PEAK1: variants seen among roughly 807,000 people sequenced by gnomAD.
PEAK1 encodes the protein inactive tyrosine-protein kinase PEAK1.
In PEAK1, 54 loss-of-function variants were observed where a neutral mutation model predicts 124.7. The ratio of observed to expected loss-of-function variants is 0.43; its 90% CI spans 0.35 to 0.54. The LOEUF (loss-of-function observed/expected upper bound fraction) is 0.54, where lower values mean the gene tolerates loss of function less well. PEAK1 is among the 20% of genes least tolerant of loss of function. The probability of loss-of-function intolerance (pLI) is 0.01; values close to 1 mark genes in which losing one functional copy is unlikely to be tolerated. For synonymous variants in PEAK1, 719 were observed against 760.0 expected, an observed-to-expected ratio of 0.95 and a Z score of 0.89; for missense variants, 2,046 against 2,134.5, an observed-to-expected ratio of 0.96 and a Z score of 0.82.
chr15:77,284,930 AC>A (rs2062847819), intron 4 of PEAK1, 27 bp downstream of exon 4: 2 of 148,680 alleles, frequency 1.3e-5, no homozygotes, highest in Admixed American at 6.7e-5. Flanking sequence ...ACACACACAC[AC>A]AATTAGCCAG....
At chr15:77,351,182 A>T (rs1567294850) in intron 2 of PEAK1, among the ~76,000 whole-genome samples, 1 of 152,234 alleles carries the variant, frequency 6.6e-6, no homozygotes, top group Non-Finnish European at 1.5e-5. Context: ...GAGGTGAAGA[A>T]AAAAGGCTTG....
chr15:77,420,601 C>T, upstream of PEAK1: 1 of 343,060 alleles, frequency 2.9e-6, no homozygotes, highest in Non-Finnish European at 5.2e-6. Context: ...TTCAGTTCTT[C>T]TACTTTCTGC....
At chr15:77,103,142 T>G (rs2050711567) in exon 7 of PEAK1, 1 of 152,138 alleles carries the variant, frequency 6.6e-6, no homozygotes, top group Non-Finnish European at 1.5e-5. Flanking sequence ...TGTCCATGAT[T>G]TTTTTGCTTT....
intron 2 of PEAK1, among the ~76,000 whole-genome samples, chr15:77,290,237 A>T (rs1312043901): frequency 6.6e-6 from 1 of 152,054 alleles, no homozygotes; most frequent in African/African-American, 2.4e-5. Flanking sequence ...CGATTCTCCT[A>T]CCTCAACCTC....
chr15:77,223,420 T>C (rs2059477661), intron 6 of PEAK1, among the ~76,000 whole-genome samples: 1 of 152,016 alleles, frequency 6.6e-6, no homozygotes, highest in Non-Finnish European at 1.5e-5. Context: ...GGGGATAAAA[T>C]GCATTTGTAA....
chr15:77,288,229 T>C (rs114518208), intron 2 of PEAK1, among the ~76,000 whole-genome samples: 145 of 151,644 alleles, frequency 9.6e-4, no homozygotes, highest in African/African-American at 3.0e-3. Context: ...ACCAGGCTCA[T>C]ACCTATCTCT....
intron 2 of PEAK1, among the ~76,000 whole-genome samples, chr15:77,305,718 C>G (rs1245028116): frequency 6.6e-6 from 1 of 152,116 alleles, no homozygotes; most frequent in Non-Finnish European, 1.5e-5. Flanking sequence ...CCTGTGAACA[C>G]TAAAATCTGC....
chr15:77,119,789 C>T (rs1037177310), intron 9 of PEAK1, among the ~76,000 whole-genome samples: 6 of 152,176 alleles, frequency 3.9e-5, no homozygotes, highest in Admixed American at 1.3e-4. Flanking sequence ...GCCCTGCATA[C>T]CTTTAAGGCA....
rs1332121916 is a variant in PEAK1, at chr15:77,197,627, T to C, written c.-114-15587A>G. Among the ~76,000 whole-genome samples, 3 of 152,166 alleles carry C rather than the reference T, an allele frequency of 2.0e-5. No individual in the cohort carries two copies. In the East Asian group the frequency reaches 5.8e-4, roughly 29 times the overall value. On this transcript the variant is annotated intron_variant, in intron 6 of 9. Coordinates refer to ENST00000682557, the MANE Select transcript of PEAK1 (RefSeq NM_001385026.1). ...GTAGGTTTTTATAAGAGTCTTGTGT[T>C]CTGAGATAAGACAAAACCCAGGAAA...
chr15:77,373,159 T>C (rs1356162117), intron 1 of PEAK1, among the ~76,000 whole-genome samples: 1 of 152,192 alleles, frequency 6.6e-6, no homozygotes, highest in Non-Finnish European at 1.5e-5. Flanking sequence ...AACTTCATCC[T>C]CTCCTGCTCC....
chr15:77,334,445 T>C (rs1365960887), intron 2 of PEAK1: 1 of 985,324 alleles, frequency 1.0e-6, no homozygotes, highest in African/African-American at 1.7e-5. Flanking sequence ...TACCTGCTTA[T>C]CCTTGTTTCC....
In PEAK1 at chr15:77,312,824, C is replaced by T. The variant is rs1025974290; in HGVS notation, c.-602-26320G>A. Reference sequence around the variant, plus strand: ...CCCAGTGGACTTGTACTTACATGTCCCTGGCCAGCACTGTGTCACAGGGCC... The same window carrying T: ...CCCAGTGGACTTGTACTTACATGTCTCTGGCCAGCACTGTGTCACAGGGCC... On this transcript the variant is annotated intron_variant, in intron 2 of 9. Transcript: ENST00000682557. 2.6e-4 allele frequency among the ~76,000 whole-genome samples: 39 copies of T among 152,160 alleles called. 1 individual carries two copies. Among genetic ancestry groups the T allele is most frequent in the South Asian group, 6.2e-4 (3 of 4,820 alleles).
intron 6 of PEAK1, among the ~76,000 whole-genome samples, chr15:77,203,222 C>T (rs12900110): frequency 6.6e-6 from 1 of 150,978 alleles, no homozygotes; most frequent in East Asian, 1.9e-4. Flanking sequence ...TGGAAGGGGA[C>T]GTAAGAGAGG....
chr15:77,296,982 C>G (rs1170741133), intron 2 of PEAK1, among the ~76,000 whole-genome samples: 1 of 151,784 alleles, frequency 6.6e-6, no homozygotes, highest in East Asian at 1.9e-4. Context: ...GATCAAAATT[C>G]CCGTTTAGTC....
rs2054365976 is a variant in PEAK1, at chr15:77,148,866, G to A, written c.3331+9637C>T. ...AAGCCCAGGAGTTTGAGGCTGCAGT[G>A]AGCTATGATAGCGCCACTGCACTCC... On this transcript the variant is annotated intron_variant, in intron 8 of 9. Transcript: ENST00000682557. 2.0e-5 allele frequency among the ~76,000 whole-genome samples: 3 copies of A among 152,198 alleles called. No individual in the cohort carries two copies. In the South Asian group the frequency reaches 6.2e-4, roughly 32 times the overall value.
chr15:77,305,644 A>G (rs1356531849), intron 2 of PEAK1, among the ~76,000 whole-genome samples: 1 of 152,184 alleles, frequency 6.6e-6, no homozygotes, highest in East Asian at 1.9e-4. Flanking sequence ...GGACATGGGG[A>G]GAACAGTACA....
intron 9 of PEAK1, among the ~76,000 whole-genome samples, chr15:77,117,039 TA>T (rs1173628032): frequency 6.6e-6 from 1 of 152,216 alleles, no homozygotes; most frequent in Non-Finnish European, 1.5e-5. Flanking sequence ...ACCAGGTATT[TA>T]AAAATTCTAT....
intron 6 of PEAK1, among the ~76,000 whole-genome samples, chr15:77,222,843 C>G (rs970443249): frequency 6.6e-6 from 1 of 151,926 alleles, no homozygotes; most frequent in South Asian, 2.1e-4. Context: ...CAAAATAAAG[C>G]GCAAACAGAT....
Position 77,133,144 on chromosome 15 carries a change from T to C in PEAK1, c.3938A>G (p.Gln1313Arg), listed in dbSNP as rs2152741326. The change falls in exon 9 of 10, where the codon CAG becomes CGG. Residue 1313 changes from glutamine (Q) to arginine (R), a missense_variant. By Grantham distance (43) the Gln-to-Arg change is conservative. Coordinates refer to ENST00000682557, the MANE Select transcript of PEAK1 (RefSeq NM_001385026.1). The surrounding 1 kb of genome is among the most constrained non-coding windows in gnomAD (Gnocchi z 4.2). ...CACTCCAAAACGGAGCTGGTCTTTC[T>C]GCCCAGCCATGAAAAGGTCTTCGCA... ...VKCEDLFMAG[Q>R]KDQLRFGVDS... 6.2e-7 allele frequency: 1 copy of C among 1,614,242 alleles called. No homozygotes were observed. The highest frequency in any genetic ancestry group is 1.3e-5 in the African/African-American group (1 of 75,070).
Sources: gnomAD v4.1 joint callset for allele counts (sites outside exome capture counted in the v4.1 genomes callset) on GRCh38, gnomAD v4.1.1 for gene constraint, Gnocchi (gnomAD v3.1) non-coding constraint, MANE v1.5 for transcripts, NCBI Gene and HGNC (gene_info 2026-07-23, HGNC 2026-07-21) for gene names.